Variants in MACROD2 observed in about 807,000 individuals in gnomAD.
MACROD2 encodes mono-ADP ribosylhydrolase 2, also known as ADP-ribose glycohydrolase MACROD2.
In MACROD2, 36 loss-of-function variants were observed where a neutral mutation model predicts 70.4. The ratio of observed to expected loss-of-function variants is 0.51; its 90% CI spans 0.39 to 0.68. The LOEUF (loss-of-function observed/expected upper bound fraction) is 0.68. MACROD2 is among the 30% of genes least tolerant of loss of function. The pLI is 0.00. For missense variants in MACROD2, 496 were observed against 538.4 expected (o/e 0.92, Z 0.78); for synonymous variants, 172 against 178.8 (o/e 0.96, Z 0.30).
At chr20:14,515,465 G>GCGCGCACA (rs1369248292) in intron 4 of MACROD2, among the ~76,000 whole-genome samples, 20 of 127,170 alleles carry the variant, frequency 1.6e-4, no homozygotes, top group Middle Eastern at 7.9e-3. Flanking sequence ...ACACACACAC[G>GCGCGCACA]CACACACACA....
intron 8 of MACROD2, chr20:15,552,639 C>T (rs2048115058): frequency 6.6e-6 from 1 of 152,278 alleles, no homozygotes; most frequent in Non-Finnish European, 1.5e-5. Flanking sequence ...TTCCTGGGGA[C>T]TTCTACAGTG....
At chr20:14,115,153 T>A (rs972588875) in intron 3 of MACROD2, among the ~76,000 whole-genome samples, 3 of 152,120 alleles carry the variant, frequency 2.0e-5, no homozygotes, top group African/African-American at 7.2e-5. Context: ...GTTCAGTGGG[T>A]ATTGGAATCA....
chr20:15,429,970 A>G (rs2046344332), intron 6 of MACROD2, among the ~76,000 whole-genome samples: 1 of 151,908 alleles, frequency 6.6e-6, no homozygotes, highest in South Asian at 2.1e-4. Flanking sequence ...TCTACTCTCT[A>G]TGTCCATGTG....
chr20:14,610,953 CAT>C (rs1983122068), intron 4 of MACROD2, among the ~76,000 whole-genome samples: 2 of 152,180 alleles, frequency 1.3e-5, no homozygotes, highest in Admixed American at 6.5e-5. Context: ...ATTGGAGACT[CAT>C]ATTAACAAAC....
intron 6 of MACROD2, among the ~76,000 whole-genome samples, chr20:15,276,588 G>A (rs1346192908): frequency 4.6e-5 from 7 of 151,916 alleles, no homozygotes; most frequent in East Asian, 3.9e-4. Flanking sequence ...GTAATTACAC[G>A]AAAATACGGG....
At chr20:14,274,784 G>A (rs2082234126) in intron 3 of MACROD2, among the ~76,000 whole-genome samples, 1 of 151,644 alleles carries the variant, frequency 6.6e-6, no homozygotes, top group South Asian at 2.1e-4. Context: ...AAGCTGATAA[G>A]CAATTTCAGC....
At chr20:15,817,581 C>A in intron 8 of MACROD2, among the ~76,000 whole-genome samples, 1 of 152,146 alleles carries the variant, frequency 6.6e-6, no homozygotes, top group East Asian at 1.9e-4. Flanking sequence ...TCACCATGCC[C>A]GATATCTTAC....
intron 8 of MACROD2, among the ~76,000 whole-genome samples, chr20:15,790,758 A>C (rs2063617193): frequency 6.6e-6 from 1 of 151,918 alleles, no homozygotes. Flanking sequence ...CTGCTTATGT[A>C]ATTGTATACC....
At chr20:16,045,666 C>T (rs1360734298) in intron 17 of MACROD2, among the ~76,000 whole-genome samples, 1 of 151,980 alleles carries the variant, frequency 6.6e-6, no homozygotes, top group Non-Finnish European at 1.5e-5. Flanking sequence ...TACTTGTGTG[C>T]ATACTGTCTT....
chr20:15,485,078 G>A (rs1340696025), intron 7 of MACROD2, among the ~76,000 whole-genome samples: 1 of 151,464 alleles, frequency 6.6e-6, no homozygotes, highest in Non-Finnish European at 1.5e-5. Context: ...CTCCTTGCAT[G>A]TTGAACCGCC....
intron 3 of MACROD2, among the ~76,000 whole-genome samples, chr20:14,221,382 C>G (rs2081672541): frequency 6.6e-6 from 1 of 152,132 alleles, no homozygotes. Flanking sequence ...GGGGCTGACA[C>G]AAGTGCTTTG....
intron 6 of MACROD2, among the ~76,000 whole-genome samples, chr20:15,289,640 G>T (rs1177472232): frequency 6.6e-6 from 1 of 152,136 alleles, no homozygotes; most frequent in Non-Finnish European, 1.5e-5. Context: ...GTGATCAAAT[G>T]AAATTTTATT....
intron 6 of MACROD2, among the ~76,000 whole-genome samples, chr20:15,328,814 G>C (rs578159255): frequency 6.6e-6 from 1 of 152,026 alleles, no homozygotes; most frequent in African/African-American, 2.4e-5. Flanking sequence ...TACACTCTTA[G>C]AAATTTCCTT....
chr20:14,986,791 T>C (rs406311), intron 5 of MACROD2, among the ~76,000 whole-genome samples: 10,460 of 152,192 alleles, frequency 0.069, 698 homozygotes, highest in African/African-American at 0.16. Context: ...AGGTTCGCCT[T>C]CTCTCCCCGT....
intron 4 of MACROD2, among the ~76,000 whole-genome samples, chr20:14,545,522 G>A (rs1031621481): frequency 6.6e-6 from 1 of 152,274 alleles, no homozygotes; most frequent in African/African-American, 2.4e-5. Flanking sequence ...ATTATGAGAT[G>A]TGGCTTCTGG....
chr20:15,833,115 A>G (rs1298508748), intron 8 of MACROD2, among the ~76,000 whole-genome samples: 2 of 152,216 alleles, frequency 1.3e-5, no homozygotes, highest in Non-Finnish European at 2.9e-5. Flanking sequence ...ACAGTAATCC[A>G]AAATGTGCAG....
chr20:15,559,685 A>G (rs956813070), intron 8 of MACROD2, among the ~76,000 whole-genome samples: 1 of 152,218 alleles, frequency 6.6e-6, no homozygotes, highest in African/African-American at 2.4e-5. Flanking sequence ...AAATCAGTGC[A>G]TTAAGCATCA....
chr20:14,876,286 T>A (rs1358318549), intron 5 of MACROD2, among the ~76,000 whole-genome samples: 1 of 152,162 alleles, frequency 6.6e-6, no homozygotes, highest in Non-Finnish European at 1.5e-5. Flanking sequence ...GAAATGTCTG[T>A]TCATGTCCTC....
At chr20:14,938,940 A>ATTTTTTTTT (rs1230863391) in intron 5 of MACROD2, among the ~76,000 whole-genome samples, 1,936 of 85,972 alleles carry the variant, frequency 0.023, 104 homozygotes, top group Non-Finnish European at 0.038. Context: ...GTTAAATCAG[A>ATTTTTTTTT]TTTTTTTTTT....
Sources: gnomAD v4.1 joint callset for allele counts (sites outside exome capture counted in the v4.1 genomes callset) on GRCh38, gnomAD v4.1.1 for gene constraint, MANE v1.5 for transcripts, NCBI Gene and HGNC (gene_info 2026-07-23, HGNC 2026-07-21) for gene names.